Variants in FAM83F observed in about 807,000 individuals in gnomAD.
FAM83F encodes the protein scaffolding CK1 anchoring protein F.
A neutral mutation model predicts 42.9 loss-of-function variants in FAM83F; 45 were observed. The ratio of observed to expected loss-of-function variants is 1.05; its 90% CI spans 0.83 to 1.35. FAM83F has a LOEUF of 1.35. Among genes scored for constraint, FAM83F ranks in the 40% most tolerant of loss-of-function variants. FAM83F has a pLI of 0.00. For missense variants in FAM83F, 617 were observed against 695.9 expected (o/e 0.89, Z 1.28); for synonymous variants, 306 against 298.3 (o/e 1.03, Z -0.27).
At chr22:40,028,816 G>A (rs888050389) in intron 4 of FAM83F, among the ~76,000 whole-genome samples, 2 of 152,192 alleles carry the variant, frequency 1.3e-5, no homozygotes, top group East Asian at 1.9e-4. Context: ...TCCACCCCAC[G>A]GTGGCAGCTC....
At position 40,021,686 on chromosome 22, in the gene FAM83F, C is replaced by T. The variant is rs746472470; in HGVS notation, c.1176C>T (p.Pro392=). 1.2e-6 allele frequency: 2 copies of T among 1,612,940 alleles called. No individual in the cohort carries two copies. Among genetic ancestry groups the T allele is most frequent in the African/African-American group, 1.3e-5 (1 of 74,924 alleles). The change falls in exon 4 of 5, where the codon CCC becomes CCT. Residue 392 remains proline (P), a synonymous_variant. Transcript: ENST00000333407. The surrounding 1 kb of genome is among the most constrained non-coding windows in gnomAD (Gnocchi z 8.7). ...EQVLPPVEPI[P]LGELSQKDGR... ...TGCTGCCCCCCGTGGAGCCCATCCC[C>T]TTGGGAGAGCTGAGCCAGAAGGATG...
chr22:40,006,378 G>A (rs1474948114), intron 1 of FAM83F, among the ~76,000 whole-genome samples: 1 of 152,222 alleles, frequency 6.6e-6, no homozygotes, highest in Admixed American at 6.5e-5. Flanking sequence ...ATCGATGGCA[G>A]GGCTCTGTCC....
At position 39,995,003 on chromosome 22, in the gene FAM83F, G is replaced by GCGGGGCCGGGGC. The variant is rs1046308112; in HGVS notation, c.-38_-27dup. 37 of 1,209,258 alleles carry GCGGGGCCGGGGC rather than the reference G, an allele frequency of 3.1e-5. No homozygotes were observed. The African/African-American group carries it at 7.0e-4, about 23-fold the overall frequency. The allele number at this position is 1,209,258 out of a possible 1,614,324, so 74.9% of individuals were successfully genotyped here. ...TGCGGCTGTGGGACCTCGGACCGCG[G>GCGGGGCCGGGGC]CGGGGCCGGGGCCAGGGCCGGGGCC... On this transcript the variant is annotated 5_prime_UTR_variant, in exon 1 of 5. Coordinates refer to ENST00000333407, the MANE Select transcript of FAM83F (RefSeq NM_138435.4). The surrounding 1 kb of genome is among the most constrained non-coding windows in gnomAD (Gnocchi z 4.6).
In FAM83F at chr22:40,038,959, C is replaced by T. The variant is rs2067639785; in HGVS notation, c.*9394C>T. The T allele has an allele frequency of 6.6e-6, 1 of 152,190 alleles. No individual in the cohort carries two copies. The highest frequency in any genetic ancestry group is 6.5e-5 in the Admixed American group (1 of 15,282). 9.4% of individuals were successfully genotyped at this position (152,190 alleles called of 1,614,324 possible). ...CCTTACTTTCTTCATCTGTATCTAC[C>T]TCAGAAAGTTACTATGAGGACTGAA... On this transcript the variant is annotated 3_prime_UTR_variant, in exon 5 of 5. Transcript: ENST00000333407.
chr22:40,019,426 G>C (rs935179960), intron 2 of FAM83F, 91 bp downstream of exon 2: 4 of 1,241,208 alleles, frequency 3.2e-6, no homozygotes, highest in African/African-American at 3.0e-5. Flanking sequence ...CCTCTTCCCT[G>C]AATGGGGGCT....
At position 40,035,060 on chromosome 22, in the gene FAM83F, A is replaced by G. The variant is rs1403834296; in HGVS notation, c.*5495A>G. ...GGCCCAAGGTGAGGAAATTTGTCCA[A>G]AGTCACCCAATGAGTCGCAGGAAGG... is the stretch of plus-strand genomic sequence containing the variant. On this transcript the variant is annotated 3_prime_UTR_variant, in exon 5 of 5. Transcript: ENST00000333407. 2 of 152,200 alleles carry G rather than the reference A, an allele frequency of 1.3e-5. No homozygotes were observed. The highest frequency in any genetic ancestry group is 4.8e-5 in the African/African-American group (2 of 41,436). 9.4% of individuals were successfully genotyped at this position (152,200 alleles called of 1,614,324 possible). A position where few individuals can be genotyped will look rare whatever the true frequency, so the allele number is the denominator to read the frequency against.
rs191155946 is a variant in FAM83F at position 40,028,364 on chromosome 22, C to T, written c.1454-1152C>T. ...CCTGCTCATGGCCCAGGAGAGGAGG[C>T]AGACATGGCCTTAATTAAATTCACA... On this transcript the variant is annotated intron_variant, in intron 4 of 4. Coordinates refer to ENST00000333407, the MANE Select transcript of FAM83F (RefSeq NM_138435.4). 2.9e-3 allele frequency among the ~76,000 whole-genome samples: 438 copies of T among 152,348 alleles called. 2 individuals are homozygous for T. Among genetic ancestry groups the T allele is most frequent in the Non-Finnish European group, 3.8e-3 (257 of 68,028 alleles).
chr22:40,035,475 A>C lies in FAM83F; in HGVS notation c.*5910A>C, dbSNP rs942467339. 2 of 152,212 alleles carry C rather than the reference A, an allele frequency of 1.3e-5. No individual in the cohort carries two copies. The highest frequency in any genetic ancestry group is 6.5e-5 in the Admixed American group (1 of 15,286). 9.4% of individuals were successfully genotyped at this position (152,212 alleles called of 1,614,324 possible). A position where few individuals can be genotyped will look rare whatever the true frequency, so the allele number is the denominator to read the frequency against. On this transcript the variant is annotated 3_prime_UTR_variant, in exon 5 of 5. Transcript: ENST00000333407. ...AGTGTCTTGGAAGTTAGGCGACTGC[A>C]CAGGGAAAGGTTCGCTGCAGTGCTT...
In FAM83F at chr22:40,038,059, T is replaced by C. The variant is rs949214435; in HGVS notation, c.*8494T>C. 1 of 152,264 alleles carries C rather than the reference T, an allele frequency of 6.6e-6. No homozygotes were observed. The highest frequency in any genetic ancestry group is 2.4e-5 in the African/African-American group (1 of 41,466). 9.4% of individuals were successfully genotyped at this position (152,264 alleles called of 1,614,324 possible). A position where few individuals can be genotyped will look rare whatever the true frequency, so the allele number is the denominator to read the frequency against. ...ATTCATTCATTCGTTCATTCATTTG[T>C]TCAAACGAACTTATTGAGAACTTAC... On this transcript the variant is annotated 3_prime_UTR_variant, in exon 5 of 5. Coordinates refer to ENST00000333407, the MANE Select transcript of FAM83F (RefSeq NM_138435.4).
chr22:40,021,665 G>GC lies in FAM83F; in HGVS notation c.1161dup (p.Val388ArgfsTer79). 6.2e-7 allele frequency: 1 copy of GC among 1,609,408 alleles called. No homozygotes were observed. The highest frequency in any genetic ancestry group is 8.5e-7 in the Non-Finnish European group (1 of 1,176,826). ...ACCTGGTTACGGTGGAGCAGGTGCTGCCCCCCGTGGAGCCCATCCCCTTGG... is the reference window on the plus strand; with the variant it reads ...ACCTGGTTACGGTGGAGCAGGTGCTGCCCCCCCGTGGAGCCCATCCCCTTGG... On this transcript the variant is annotated frameshift_variant, in exon 4 of 5. Transcript: ENST00000333407. LOFTEE classifies it high-confidence loss of function. The surrounding 1 kb of genome is among the most constrained non-coding windows in gnomAD (Gnocchi z 8.7).
At position 39,994,976 on chromosome 22, in the gene FAM83F, G is replaced by C; in HGVS notation, c.-67G>C. 8.3e-7 allele frequency: 1 copy of C among 1,211,112 alleles called. No individual in the cohort carries two copies. Among genetic ancestry groups the C allele is most frequent in the Non-Finnish European group, 1.0e-6 (1 of 974,520 alleles). The allele number at this position is 1,211,112 out of a possible 1,614,324, so 75.0% of individuals were successfully genotyped here. On this transcript the variant is annotated 5_prime_UTR_variant, in exon 1 of 5. Transcript: ENST00000333407. Reference sequence around the variant, plus strand: ...GGCGCCCCGCCCCTCGGCGGCTCCAGGTGCGGCTGTGGGACCTCGGACCGC... The same window carrying C: ...GGCGCCCCGCCCCTCGGCGGCTCCACGTGCGGCTGTGGGACCTCGGACCGC...
Position 39,995,202 on chromosome 22 carries a change from C to T in FAM83F, c.160C>T (p.Gln54Ter). ...CTACCGCGAGCGGCTCAAGGAGGAG[C>T]AGCTGCGGGACTTCCTCTCCAGCCC... ...QAYRERLKEE[Q>*]LRDFLSSPER... The change falls in exon 1 of 5, where the codon CAG becomes TAG. Residue 54 changes from glutamine (Q) to a stop codon, truncating the protein, a stop_gained. Coordinates refer to ENST00000333407, the MANE Select transcript of FAM83F (RefSeq NM_138435.4). LOFTEE classifies it high-confidence loss of function. This position sits in a 1 kb window ranked among gnomAD's most constrained non-coding sequence, Gnocchi z 4.6. 4 of 1,527,934 alleles carry T rather than the reference C, an allele frequency of 2.6e-6. No individual in the cohort carries two copies. The highest frequency in any genetic ancestry group is 3.5e-6 in the Non-Finnish European group (4 of 1,143,536). The allele number at this position is 1,527,934 out of a possible 1,614,324, so 94.6% of individuals were successfully genotyped here. A position where few individuals can be genotyped will look rare whatever the true frequency, so the allele number is the denominator to read the frequency against.
At position 40,019,358 on chromosome 22, in the gene FAM83F, A is replaced by G. The variant is rs371111369; in HGVS notation, c.657+23A>G. 5.0e-6 allele frequency: 8 copies of G among 1,608,208 alleles called. No homozygotes were observed. In the African/African-American group the frequency reaches 1.1e-4, roughly 22 times the overall value. ...CGGGTAAGTTGCACCACTGGGGTGG[A>G]AAGTGGACAGGAGATGAGACAGAGA... On this transcript the variant is annotated intron_variant, in intron 2 of 4. Transcript: ENST00000333407.
chr22:40,006,915 G>C (rs558121945), intron 1 of FAM83F, among the ~76,000 whole-genome samples: 2 of 152,296 alleles, frequency 1.3e-5, no homozygotes, highest in East Asian at 1.9e-4. Context: ...CTGTCCCAGA[G>C]GAAGGGCAGA....
At position 40,041,044 on chromosome 22, in the gene FAM83F, A is replaced by G. The variant is rs918411033; in HGVS notation, c.*11479A>G. ...TTTGTCCAAGCCGAGGGCAGGGATC[A>G]CAACACAACCTCTCAAGGGAAAAAA... is the stretch of plus-strand genomic sequence containing the variant. On this transcript the variant is annotated 3_prime_UTR_variant, in exon 5 of 5. Transcript: ENST00000333407. 3 of 152,218 alleles carry G rather than the reference A, an allele frequency of 2.0e-5. No individual in the cohort carries two copies. The highest frequency in any genetic ancestry group is 2.9e-5 in the Non-Finnish European group (2 of 68,048). The allele number at this position is 152,218 out of a possible 1,614,324, so 9.4% of individuals were successfully genotyped here.
rs751351351 is a variant in FAM83F, at chr22:40,029,562, C to A, written c.1500C>A (p.Ser500=). Reference sequence around the variant, plus strand: ...CCAAGCCTAGCAACTGTGTGATTTCCTGAGCTGCGGGATGGTGGTGGGCAG... The same window carrying A: ...CCAAGCCTAGCAACTGTGTGATTTCATGAGCTGCGGGATGGTGGTGGGCAG... ...SSAKPSNCVI[S] Residue 500 remains serine, a synonymous_variant, in exon 5 of 5, where the codon TCC becomes TCA. Coordinates refer to ENST00000333407, the MANE Select transcript of FAM83F (RefSeq NM_138435.4). 2.5e-6 allele frequency: 4 copies of A among 1,611,930 alleles called. No homozygotes were observed. The highest frequency in any genetic ancestry group is 3.3e-5 in the Admixed American group (2 of 59,848).
chr22:40,008,175 C>G (rs1464994133), intron 1 of FAM83F, among the ~76,000 whole-genome samples: 1 of 152,230 alleles, frequency 6.6e-6, no homozygotes, highest in Non-Finnish European at 1.5e-5. Flanking sequence ...GAGCTTTAAT[C>G]AGCACCGTTG....
At chr22:40,008,142 T>G (rs762139192) in intron 1 of FAM83F, among the ~76,000 whole-genome samples, 1 of 152,262 alleles carries the variant, frequency 6.6e-6, no homozygotes, top group Non-Finnish European at 1.5e-5. Flanking sequence ...AGTTTTGACC[T>G]TTCTGGAAGT....
chr22:39,997,363 C>T (rs182819852), intron 1 of FAM83F, among the ~76,000 whole-genome samples: 1 of 152,342 alleles, frequency 6.6e-6, no homozygotes, highest in African/African-American at 2.4e-5. Context: ...CTCTTTCCTG[C>T]ATAGTGAGGT....
Sources: gnomAD v4.1 joint callset for allele counts (sites outside exome capture counted in the v4.1 genomes callset) on GRCh38, gnomAD v4.1.1 for gene constraint, Gnocchi (gnomAD v3.1) non-coding constraint, MANE v1.5 for transcripts, NCBI Gene and HGNC (gene_info 2026-07-23, HGNC 2026-07-21) for gene names.